TRAPPC8: variants seen among roughly 807,000 people sequenced by gnomAD.
TRAPPC8 encodes the protein trafficking protein particle complex subunit 8.
A neutral mutation model predicts 174.3 loss-of-function variants in TRAPPC8; 54 were observed. The ratio of observed to expected loss-of-function variants is 0.31; its 90% confidence interval spans 0.25 to 0.39. The LOEUF (loss-of-function observed/expected upper bound fraction) is 0.39, where lower values mean the gene tolerates loss of function less well. Among genes scored for constraint, TRAPPC8 ranks in the 10% least tolerant of loss-of-function variants. TRAPPC8 has a pLI of 1.00. For missense variants in TRAPPC8, 1,531 were observed against 1,699.1 expected, an observed-to-expected ratio of 0.90 and a Z score of 1.74; for synonymous variants, 630 against 579.9, an observed-to-expected ratio of 1.09 and a Z score of -1.24.
intron 26 of TRAPPC8, 97 bp downstream of exon 26, chr18:31,846,619 C>G: frequency 1.1e-6 from 1 of 934,442 alleles, no homozygotes; most frequent in Non-Finnish European, 1.6e-6. Context: ...CTGAACAAAC[C>G]AGACCCCTTC....
At chr18:31,900,799 A>C in intron 10 of TRAPPC8, 126 bp downstream of exon 10, 1 of 698,196 alleles carries the variant, frequency 1.4e-6, no homozygotes, top group Non-Finnish European at 2.2e-6. Flanking sequence ...TAACTTTTTA[A>C]AAATCACCTC....
Position 31,857,556 on chromosome 18 carries a change from T to C in TRAPPC8, c.3172A>G (p.Lys1058Glu), listed in dbSNP as rs1469835854. Residue 1058 changes from lysine (K) to glutamate (E), a missense_variant, in exon 20 of 29, where the codon AAG (lysine) becomes GAG (glutamate). Lys to Glu is a moderately conservative substitution (Grantham distance 56). Coordinates refer to ENST00000283351, the MANE Select transcript of TRAPPC8 (RefSeq NM_014939.5). ...NFLFYYESVK[K>E]QPKIRHRILR... Reference sequence around the variant, plus strand: ...AATACTAACCGTATTTTTGGCTGCTTTTTGACACTTTCATAGTAAAACAAA... The same window carrying C: ...AATACTAACCGTATTTTTGGCTGCTCTTTGACACTTTCATAGTAAAACAAA... 3.1e-6 allele frequency: 5 copies of C among 1,594,334 alleles called. No individual in the cohort carries two copies. The Admixed American group carries it at 7.2e-5, about 23-fold the overall frequency.
intron 27 of TRAPPC8, among the ~76,000 whole-genome samples, chr18:31,837,010 C>G (rs915294571): frequency 6.6e-6 from 1 of 152,018 alleles, no homozygotes; most frequent in Non-Finnish European, 1.5e-5. Flanking sequence ...GATCCGCCCG[C>G]CTTGGCCTCC....
intron 4 of TRAPPC8, among the ~76,000 whole-genome samples, chr18:31,915,275 A>C (rs1019795553): frequency 1.3e-5 from 2 of 149,840 alleles, no homozygotes; most frequent in African/African-American, 4.9e-5. Flanking sequence ...AGCCTGGCCT[A>C]CGTGGTGAAA....
At position 31,832,157 on chromosome 18, in the gene TRAPPC8, C is replaced by A; in HGVS notation, c.4000G>T (p.Val1334Phe). The A allele has an allele frequency of 6.5e-7, 1 of 1,542,574 alleles. No homozygotes were observed. The highest frequency in any genetic ancestry group is 1.3e-5 in the South Asian group (1 of 77,740). ...FHQKSLCLVP[V>F]TLLLSNCSKA... is the part of the protein sequence containing the mutation. ...GAACAATTGGAAAGTAAAAGAGTGA[C>A]TGGTACTAAACAAAGGCTATGGAAG... The change falls in exon 28 of 29, where the codon GTC becomes TTC. Residue 1334 changes from valine (V) to phenylalanine (F), a missense_variant. Physicochemically the swap from Val to Phe is conservative, Grantham distance 50 (BLOSUM62 -1). Transcript: ENST00000283351.
chr18:31,935,548 T>TGGAAAAA (rs745488703), intron 1 of TRAPPC8, among the ~76,000 whole-genome samples: 2 of 46,286 alleles, frequency 4.3e-5, no homozygotes, highest in Non-Finnish European at 7.1e-5. Flanking sequence ...AACTCCATCT[T>TGGAAAAA]AAAAAAAAAA....
At position 31,857,693 on chromosome 18, in the gene TRAPPC8, G is replaced by T. The variant is rs754764042; in HGVS notation, c.3035C>A (p.Pro1012Gln). The change falls in exon 20 of 29, where the codon CCA (proline) becomes CAA (glutamine). Residue 1012 changes from proline to glutamine, a missense_variant. Transcript: ENST00000283351. ...AGGAAGGGGAACAGGAATCACCTCT[G>T]GTTGACTTCCTGTGCCAATGCCAAA... ...VDFGIGTGSQ[P>Q]EVIPVPLPDT... 1.2e-6 allele frequency: 2 copies of T among 1,614,090 alleles called. No homozygotes were observed. Among genetic ancestry groups the T allele is most frequent in the South Asian group, 2.2e-5 (2 of 91,076 alleles).
At chr18:31,909,220 T>C in intron 6 of TRAPPC8, among the ~76,000 whole-genome samples, 1 of 152,084 alleles carries the variant, frequency 6.6e-6, no homozygotes, top group Non-Finnish European at 1.5e-5. Flanking sequence ...CCTGTATTAG[T>C]AATTTGAAAA....
chr18:31,869,754 T>C (rs2145189368), intron 16 of TRAPPC8, among the ~76,000 whole-genome samples: 1 of 152,172 alleles, frequency 6.6e-6, no homozygotes, highest in East Asian at 1.9e-4. Flanking sequence ...ACATACACAG[T>C]ATGAAGGAAT....
At position 31,913,229 on chromosome 18, in the gene TRAPPC8, C is replaced by T. The variant is rs1207821368; in HGVS notation, c.771+140G>A. ...TTAGTTAAAAACAGCTTTTAAACCACTGACCTAAGAGCTCACCTCTGACAG... is the reference window on the plus strand; with the variant it reads ...TTAGTTAAAAACAGCTTTTAAACCATTGACCTAAGAGCTCACCTCTGACAG... On this transcript the variant is annotated intron_variant, in intron 5 of 28. Transcript: ENST00000283351. The T allele has an allele frequency of 9.5e-6, 8 of 841,074 alleles. No homozygotes were observed. The East Asian group carries it at 2.4e-4, about 25-fold the overall frequency. The allele number at this position is 841,074 out of a possible 1,614,324, so 52.1% of individuals were successfully genotyped here.
chr18:31,919,988 A>G (rs978730794), intron 2 of TRAPPC8, among the ~76,000 whole-genome samples: 6 of 152,266 alleles, frequency 3.9e-5, no homozygotes, highest in African/African-American at 1.4e-4. Context: ...TAATCTTGTC[A>G]CCCACCACGA....
At chr18:31,896,364 A>C (rs1371934118) in intron 11 of TRAPPC8, 1 of 152,150 alleles carries the variant, frequency 6.6e-6, no homozygotes, top group Non-Finnish European at 1.5e-5. Context: ...TAAAGGTTAA[A>C]ATTGTTTTAA....
At chr18:31,916,533 G>T in intron 3 of TRAPPC8, 87 bp from the exon 4 acceptor site, 1 of 1,279,596 alleles carries the variant, frequency 7.8e-7, no homozygotes, top group Non-Finnish European at 1.0e-6. Flanking sequence ...GTTTTTGTTT[G>T]TTTGTTTGTT....
rs148108000 is a variant in TRAPPC8 at position 31,922,835 on chromosome 18, T to C, written c.353-5168A>G. On this transcript the variant is annotated intron_variant, in intron 2 of 28. Transcript: ENST00000283351. ...GAGTTCGAGACCAGCCTGGGCAACA[T>C]GAGAAAACCTCATCTCTACAAAAAA... Among the ~76,000 whole-genome samples the C allele has an allele frequency of 6.7e-4, 102 of 152,012 alleles. 1 individual carries two copies. In the East Asian group the frequency reaches 0.018, roughly 27 times the overall value.
intron 16 of TRAPPC8, 72 bp downstream of exon 16, chr18:31,870,300 C>T (rs1229763751): frequency 1.4e-5 from 19 of 1,389,016 alleles, no homozygotes; most frequent in Non-Finnish European, 1.8e-5. Flanking sequence ...GAACAGAGTA[C>T]ATTGAAATGT....
At chr18:31,837,958 A>G (rs1264218911) in intron 27 of TRAPPC8, among the ~76,000 whole-genome samples, 2 of 144,248 alleles carry the variant, frequency 1.4e-5, no homozygotes, top group African/African-American at 5.2e-5. Flanking sequence ...TGTTAAAAAA[A>G]AAATCACTTA....
At chr18:31,906,827 C>T (rs929078798) in intron 9 of TRAPPC8, among the ~76,000 whole-genome samples, 4 of 152,046 alleles carry the variant, frequency 2.6e-5, no homozygotes, top group African/African-American at 9.7e-5. Context: ...TTATCTGATC[C>T]TATACCATTA....
intron 20 of TRAPPC8, 66 bp from the exon 21 acceptor site, chr18:31,855,873 T>G (rs2033979680): frequency 6.6e-7 from 1 of 1,505,624 alleles, no homozygotes; most frequent in African/African-American, 1.4e-5. Context: ...ATTATCTAAT[T>G]CCAAATAAAG....
At chr18:31,844,331 T>A (rs2033269007) in intron 26 of TRAPPC8, 1 of 152,180 alleles carries the variant, frequency 6.6e-6, no homozygotes, top group Admixed American at 6.5e-5. Flanking sequence ...GAAGTAACTA[T>A]AAGTTTGGTC....
Sources: allele counts gnomAD v4.1 joint callset (sites outside exome capture counted in the v4.1 genomes callset), GRCh38; gene constraint gnomAD v4.1.1; transcripts MANE v1.5; gene names NCBI Gene and HGNC (gene_info 2026-07-23, HGNC 2026-07-21).